RFX8: variants seen among roughly 807,000 people sequenced by gnomAD.
RFX8 encodes the protein regulatory factor X8.
RFX8 carries 46 observed loss-of-function variants against 54.6 expected under a neutral mutation model. That is an observed-to-expected ratio of 0.84 (90% confidence interval 0.67 to 1.08). RFX8 has a LOEUF of 1.08. Among genes scored for constraint, RFX8 ranks in the 50% least tolerant of loss-of-function variants. The pLI, the probability that RFX8 is intolerant of heterozygous loss-of-function variation, is 0.00. For missense variants in RFX8, 536 were observed against 562.3 expected (o/e 0.95, Z 0.47); for synonymous variants, 192 against 209.5 (o/e 0.92, Z 0.72).
chr2:101,397,591 C>A lies in RFX8; in HGVS notation c.1379G>T (p.Ser460Ile), dbSNP rs1476808855. Residue 460 changes from serine (S) to isoleucine (I), a missense_variant, in exon 12 of 12, where the codon AGC becomes ATC. Coordinates refer to ENST00000428343, the MANE Select transcript of RFX8 (RefSeq NM_001145664.2). ...FVIQISDVPQ[S>I]SEDIYFRENN... is the part of the protein sequence containing the mutation. The stretch of plus-strand genomic sequence containing the variant: ...TTCTCTGAAATAAATATCTTCAGAG[C>A]TTTGGGGTACATCTGATATCTGAAT... 3 of 1,550,210 alleles carry A rather than the reference C, an allele frequency of 1.9e-6. No homozygotes were observed. Among genetic ancestry groups the A allele is most frequent in the Non-Finnish European group, 1.7e-6 (2 of 1,146,194 alleles).
At chr2:101,419,757 ATG>A (rs1174607296) in intron 4 of RFX8, among the ~76,000 whole-genome samples, 1 of 152,232 alleles carries the variant, frequency 6.6e-6, no homozygotes, top group African/African-American at 2.4e-5. Context: ...CCCGAATTAC[ATG>A]GCCACAGGCG....
At chr2:101,401,559 G>A (rs1417390527) in intron 11 of RFX8, among the ~76,000 whole-genome samples, 8 of 152,114 alleles carry the variant, frequency 5.3e-5, no homozygotes, top group East Asian at 1.9e-4. Flanking sequence ...AGAAGAAGGC[G>A]GATAGCGGCT....
rs530761044 is a variant in RFX8, at chr2:101,437,657, A to G, written c.73-15185T>C. Among the ~76,000 whole-genome samples the G allele has an allele frequency of 2.0e-5, 3 of 152,338 alleles. No individual in the cohort carries two copies. In the East Asian group the frequency reaches 5.8e-4, roughly 29 times the overall value. ...AAGGAAGGAAGGAAAGAAATAATTC[A>G]GAGAGATCTCTTTTACACCCTGTTT... is the stretch of plus-strand genomic sequence containing the variant. On this transcript the variant is annotated intron_variant, in intron 2 of 11. Transcript: ENST00000428343.
chr2:101,440,329 C>T (rs905297642), intron 2 of RFX8, among the ~76,000 whole-genome samples: 17 of 152,156 alleles, frequency 1.1e-4, no homozygotes, highest in African/African-American at 4.1e-4. Context: ...CCCAGTCAAC[C>T]GTTAGCTGAT....
rs1406497672 is a variant in RFX8 at position 101,421,741 on chromosome 2, G to A, written c.220C>T (p.Arg74Ter). The change falls in exon 4 of 12, where the codon CGA becomes TGA. Residue 74 changes from arginine (R) to a stop codon, truncating the protein, a stop_gained. Coordinates refer to ENST00000428343, the MANE Select transcript of RFX8 (RefSeq NM_001145664.2). LOFTEE classifies it high-confidence loss of function. ...TTCCTCACATTTCGTAAAATGTCTC[G>A]ACAATAGTTGCAGTATTCGTCAGCA... is the stretch of plus-strand genomic sequence containing the variant. ...FLADEYCNYC[R>*]DILRNVEDLL... 5.2e-6 allele frequency: 8 copies of A among 1,549,604 alleles called. No homozygotes were observed. The highest frequency in any genetic ancestry group is 2.5e-5 in the East Asian group (1 of 40,808).
chr2:101,410,071 C>T (rs1554069), intron 9 of RFX8, among the ~76,000 whole-genome samples: 149,166 of 152,154 alleles, frequency 0.98, 73,279 homozygotes, highest in Middle Eastern at 1. Flanking sequence ...ACATGGGCTG[C>T]TCTCCCCCTG....
At chr2:101,421,332 G>T in intron 4 of RFX8, 2 of 991,688 alleles carry the variant, frequency 2.0e-6, no homozygotes, top group Non-Finnish European at 2.4e-6. Flanking sequence ...AGATCACTCA[G>T]CTGCGAAGTC....
intron 10 of RFX8, among the ~76,000 whole-genome samples, chr2:101,403,916 A>G (rs1366940932): frequency 1.3e-5 from 2 of 152,252 alleles, no homozygotes; most frequent in African/African-American, 4.8e-5. Context: ...AGTACTAACT[A>G]TATACTATAG....
chr2:101,411,587 G>A (rs1364626334), intron 8 of RFX8, among the ~76,000 whole-genome samples: 1 of 152,108 alleles, frequency 6.6e-6, no homozygotes, highest in African/African-American at 2.4e-5. Context: ...TGTTGGGAAG[G>A]GGACCTTTTG....
In RFX8 at chr2:101,418,881, G is replaced by C. The variant is rs781627252; in HGVS notation, c.321C>G (p.Leu107=). Reference sequence around the variant, plus strand: ...ACAGCTGGACGTCGTAGCATTTAAAGAGCTGGCACACGTCAGGCAATGACA... The same window carrying C: ...ACAGCTGGACGTCGTAGCATTTAAACAGCTGGCACACGTCAGGCAATGACA... The part of the protein sequence containing the change: ...MLMSLPDVCQ[L]FKCYDVQLYK... Residue 107 remains leucine, a synonymous_variant, in exon 5 of 12, where the codon CTC becomes CTG. Transcript: ENST00000428343. 1.4e-5 allele frequency: 21 copies of C among 1,551,308 alleles called. No homozygotes were observed. Among genetic ancestry groups the C allele is most frequent in the Admixed American group, 5.9e-5 (3 of 50,992 alleles).
intron 2 of RFX8, among the ~76,000 whole-genome samples, chr2:101,434,463 T>A (rs1348359631): frequency 1.3e-5 from 2 of 152,116 alleles, no homozygotes; most frequent in Non-Finnish European, 2.9e-5. Flanking sequence ...GTGTGGGAAG[T>A]ATAAGACATC....
chr2:101,436,400 T>C (rs1000449164), intron 2 of RFX8, among the ~76,000 whole-genome samples: 2 of 152,166 alleles, frequency 1.3e-5, no homozygotes, highest in African/African-American at 4.8e-5. Flanking sequence ...TGAGATGCCC[T>C]TGAACAGCCT....
At chr2:101,473,276 C>T (rs6707298) in intron 1 of RFX8, among the ~76,000 whole-genome samples, 87,659 of 152,084 alleles carry the variant, frequency 0.58, 26,370 homozygotes, top group Non-Finnish European at 0.66. Flanking sequence ...GAACTGAAGT[C>T]ATTGAAAGGC....
chr2:101,410,274 G>A (rs542560271), intron 9 of RFX8, among the ~76,000 whole-genome samples: 85 of 151,234 alleles, frequency 5.6e-4, no homozygotes, highest in African/African-American at 2.0e-3. Flanking sequence ...CCACTCACCT[G>A]TACACCACGC....
chr2:101,410,569 A>ATCTAGAATG, intron 9 of RFX8, 50 bp downstream of exon 9: 2 of 970,536 alleles, frequency 2.1e-6, no homozygotes, highest in Non-Finnish European at 3.2e-6. Flanking sequence ...GCACTCATTT[A>ATCTAGAATG]TCTAGAATGG....
intron 3 of RFX8, among the ~76,000 whole-genome samples, chr2:101,422,092 C>A: frequency 6.6e-6 from 1 of 152,134 alleles, no homozygotes; most frequent in East Asian, 1.9e-4. Context: ...AATCCCCAGC[C>A]CTAATTTCTA....
At chr2:101,429,665 T>G (rs1687377773) in intron 2 of RFX8, among the ~76,000 whole-genome samples, 1 of 152,178 alleles carries the variant, frequency 6.6e-6, no homozygotes, top group South Asian at 2.1e-4. Flanking sequence ...TCCCCGTCAC[T>G]CAGCTCCAGA....
At chr2:101,416,176 T>G (rs1294791166) in intron 6 of RFX8, among the ~76,000 whole-genome samples, 10 of 123,100 alleles carry the variant, frequency 8.1e-5, no homozygotes, top group African/African-American at 1.6e-4. Context: ...TCACTGGGGG[T>G]GGAGGGAGTG....
chr2:101,435,086 G>C (rs1238190187), intron 2 of RFX8: 1 of 152,328 alleles, frequency 6.6e-6, no homozygotes, highest in African/African-American at 2.4e-5. Flanking sequence ...CAGCCTGGAA[G>C]ACGAACCTCT....
Sources: allele counts gnomAD v4.1 joint callset (sites outside exome capture counted in the v4.1 genomes callset), GRCh38; gene constraint gnomAD v4.1.1; transcripts MANE v1.5; gene names NCBI Gene and HGNC (gene_info 2026-07-23, HGNC 2026-07-21).